The following SH3BP2 variants were observed in gnomAD, a reference collection of about 807,000 sequenced individuals.
SH3BP2 encodes SH3 domain-binding protein 2.
SH3BP2 carries 38 observed loss-of-function variants against 56.2 expected under a neutral mutation model. The observed-to-expected ratio is 0.68, with a 90% confidence interval of 0.52 to 0.89. SH3BP2 has a LOEUF of 0.89. Ranked by LOEUF, SH3BP2 falls within the 40% of genes least tolerant of loss-of-function variation. The probability of loss-of-function intolerance (pLI) is 0.00; values close to 1 mark genes in which losing one functional copy is unlikely to be tolerated. For synonymous variants in SH3BP2, 346 were observed against 316.7 expected (o/e 1.09, Z -0.98); for missense variants, 748 against 762.6 (o/e 0.98, Z 0.23).
intron 1 of SH3BP2, among the ~76,000 whole-genome samples, chr4:2,804,748 C>T (rs1723461865): frequency 6.6e-6 from 1 of 152,230 alleles, no homozygotes. Flanking sequence ...CAGAGCCAGG[C>T]TCAGCAGGAA....
At chr4:2,827,129 G>C in intron 5 of SH3BP2, 101 bp from the exon 6 acceptor site, 2 of 869,406 alleles carry the variant, frequency 2.3e-6, no homozygotes, top group Non-Finnish European at 3.8e-6. Flanking sequence ...CTGTGTATCT[G>C]TCCATGTATC....
At chr4:2,832,966 C>T (rs1359924408) in intron 11 of SH3BP2, 24 bp from the exon 12 acceptor site, 1 of 1,613,266 alleles carries the variant, frequency 6.2e-7, no homozygotes, top group African/African-American at 1.3e-5. Flanking sequence ...AGGGAGCCGT[C>T]AGCCTCCCGC....
intron 6 of SH3BP2, 26 bp downstream of exon 6, chr4:2,827,344 C>A: frequency 6.3e-7 from 1 of 1,596,066 alleles, no homozygotes; most frequent in Non-Finnish European, 8.6e-7. Context: ...GCATCCACTG[C>A]CCGTTTGCCT....
At chr4:2,802,566 A>G (rs937497169) in intron 1 of SH3BP2, among the ~76,000 whole-genome samples, 1 of 130,070 alleles carries the variant, frequency 7.7e-6, no homozygotes, top group Admixed American at 7.8e-5. Context: ...GTATATATGT[A>G]TATATGTGTA....
In SH3BP2 at chr4:2,820,656, G is replaced by A. The variant is rs752692422; in HGVS notation, c.39G>A (p.Lys13=). 9.9e-6 allele frequency: 16 copies of A among 1,614,044 alleles called. No homozygotes were observed. Among genetic ancestry groups the A allele is most frequent in the Middle Eastern group, 1.6e-4 (1 of 6,082 alleles). Residue 13 remains lysine, a synonymous_variant, in exon 2 of 13, where the codon AAG becomes AAA. Coordinates refer to ENST00000503393, the MANE Select transcript of SH3BP2 (RefSeq NM_001122681.2). The part of the protein sequence containing the change: ...AEEMHWPVPM[K]AIGAQNLLTM... ...AGATGCATTGGCCTGTCCCTATGAA[G>A]GCCATTGGTGCCCAGAACCTGCTAA...
At chr4:2,832,753 C>A (rs945597308) in intron 11 of SH3BP2, among the ~76,000 whole-genome samples, 1 of 152,182 alleles carries the variant, frequency 6.6e-6, no homozygotes, top group Non-Finnish European at 1.5e-5. Context: ...CATGCTCTCC[C>A]GGGTGTGTCG....
Position 2,831,704 on chromosome 4 carries a change from T to A in SH3BP2, c.1350+25T>A. The A allele has an allele frequency of 3.2e-6, 5 of 1,553,360 alleles. No individual in the cohort carries two copies. The highest frequency in any genetic ancestry group is 4.4e-6 in the Non-Finnish European group (5 of 1,139,756). ...GGCAAGGCTGAGCGGCAAGCCTGGG[T>A]CCCAGTGGCCAGTAGGTGGACAGGT... On this transcript the variant is annotated intron_variant, in intron 9 of 12. Coordinates refer to ENST00000503393, the MANE Select transcript of SH3BP2 (RefSeq NM_001122681.2). The surrounding 1 kb of genome is among the most constrained non-coding windows in gnomAD (Gnocchi z 4.1).
At chr4:2,828,386 C>A (rs1318938208) in intron 7 of SH3BP2, among the ~76,000 whole-genome samples, 1 of 152,140 alleles carries the variant, frequency 6.6e-6, no homozygotes, top group Non-Finnish European at 1.5e-5. Context: ...CTCTGCCTCC[C>A]ATCCACTCCC....
intron 1 of SH3BP2, chr4:2,818,474 C>T: frequency 1.3e-6 from 1 of 784,178 alleles, no homozygotes; most frequent in African/African-American, 1.9e-5. Flanking sequence ...AGCCCCTGGA[C>T]CAGGGCCGCG....
At position 2,832,999 on chromosome 4, in the gene SH3BP2, G is replaced by A. The variant is rs1406385909; in HGVS notation, c.1498G>A (p.Val500Met). ...CGCTTCCGTCCTGTAGGTCCTGGTT[G>A]TGTGGGACGAAACCTCTAACAAAGT... ...SSTKSGKVLV[V>M]WDETSNKVRN... Residue 500 changes from valine to methionine, a missense_variant, in exon 12 of 13, where the codon GTG becomes ATG. Physicochemically the swap from Val to Met is conservative, Grantham distance 21 (BLOSUM62 1). Around this residue, in one of 3 missense-constraint regions of SH3BP2, gnomAD observed 635 missense variants for 615.0 expected, o/e 1.03. Transcript: ENST00000503393. The A allele has an allele frequency of 6.2e-7, 1 of 1,614,090 alleles. No homozygotes were observed. Among genetic ancestry groups the A allele is most frequent in the African/African-American group, 1.3e-5 (1 of 74,940 alleles).
chr4:2,794,640 C>T (rs960813915), intron 1 of SH3BP2, among the ~76,000 whole-genome samples: 1 of 152,258 alleles, frequency 6.6e-6, no homozygotes, highest in Admixed American at 6.5e-5. Flanking sequence ...CAGCCAGGGC[C>T]ATCTGGTGAG....
chr4:2,827,592 C>A lies in SH3BP2; in HGVS notation c.518-14C>A, dbSNP rs754011685. 6.3e-7 allele frequency: 1 copy of A among 1,583,300 alleles called. No homozygotes were observed. The highest frequency in any genetic ancestry group is 1.2e-5 in the South Asian group (1 of 86,872). ...GGCCGGTTTGGCTCTCACCACCCCC[C>A]TCTCCCCATGCAGACTATGAGCACG... On this transcript the variant is annotated splice_polypyrimidine_tract_variant and intron_variant, in intron 6 of 12. Transcript: ENST00000503393.
intron 11 of SH3BP2, 140 bp downstream of exon 11, chr4:2,832,552 G>T (rs968377870): frequency 1.3e-6 from 1 of 744,036 alleles, no homozygotes; most frequent in Non-Finnish European, 2.4e-6. Context: ...TCTCTTCCCA[G>T]CAGCACCCCC....
At chr4:2,830,864 C>T (rs1343965760) in intron 8 of SH3BP2, among the ~76,000 whole-genome samples, 2 of 152,220 alleles carry the variant, frequency 1.3e-5, no homozygotes, top group African/African-American at 4.8e-5. Context: ...CCCCGAATGC[C>T]CTTGCCCACG....
In SH3BP2 at chr4:2,832,996, G is replaced by T. The variant is rs766567070; in HGVS notation, c.1495G>T (p.Val499Phe). The T allele has an allele frequency of 6.2e-7, 1 of 1,614,208 alleles. No individual in the cohort carries two copies. Among genetic ancestry groups the T allele is most frequent in the South Asian group, 1.1e-5 (1 of 91,090 alleles). ...NSSTKSGKVL[V>F]VWDETSNKVR... ...TCCCGCTTCCGTCCTGTAGGTCCTG[G>T]TTGTGTGGGACGAAACCTCTAACAA... The change falls in exon 12 of 13, where the codon GTT (valine) becomes TTT (phenylalanine). Residue 499 changes from valine (V) to phenylalanine (F), a missense_variant. Around this residue, in one of 3 missense-constraint regions of SH3BP2, gnomAD observed 635 missense variants for 615.0 expected, o/e 1.03. Transcript: ENST00000503393.
chr4:2,833,688 C>G lies in SH3BP2; in HGVS notation c.1549-9C>G, dbSNP rs1435336450. On this transcript the variant is annotated splice_polypyrimidine_tract_variant and intron_variant, in intron 12 of 12. Transcript: ENST00000503393. The stretch of plus-strand genomic sequence containing the variant: ...CCCTGCTGACGCTCCCCCTTCTCTT[C>G]CCCCACAGGACTCTAAGTTCTACCT... 1 of 1,609,042 alleles carries G rather than the reference C, an allele frequency of 6.2e-7. No individual in the cohort carries two copies. The highest frequency in any genetic ancestry group is 1.1e-5 in the South Asian group (1 of 90,000).
At chr4:2,830,221 G>A in intron 8 of SH3BP2, 74 bp downstream of exon 8, 1 of 1,388,060 alleles carries the variant, frequency 7.2e-7, no homozygotes, top group South Asian at 1.3e-5. Flanking sequence ...CGGGCACTCT[G>A]CCCACCTCGC....
chr4:2,827,025 A>C, intron 5 of SH3BP2: 3 of 684,634 alleles, frequency 4.4e-6, no homozygotes, highest in Non-Finnish European at 8.0e-6. Flanking sequence ...CCATGTGTGC[A>C]TGTGTGTGTC....
chr4:2,794,838 C>T (rs938252824), intron 1 of SH3BP2, among the ~76,000 whole-genome samples: 1 of 152,192 alleles, frequency 6.6e-6, no homozygotes, highest in African/African-American at 2.4e-5. Flanking sequence ...TCCCCACCCC[C>T]CAGGGATGCA....
Sources: gnomAD v4.1 joint callset for allele counts (sites outside exome capture counted in the v4.1 genomes callset) on GRCh38, gnomAD v4.1.1 for gene constraint, gnomAD v4.1.1 regional missense constraint, Gnocchi (gnomAD v3.1) non-coding constraint, MANE v1.5 for transcripts, NCBI Gene and HGNC (gene_info 2026-07-23, HGNC 2026-07-21) for gene names.